EMILIN1: variants seen among roughly 807,000 people sequenced by gnomAD.
EMILIN1 encodes the protein elastin microfibril interfacer 1.
Under a neutral mutation model 82.4 loss-of-function variants are expected in EMILIN1, and 49 were observed. That is an observed-to-expected ratio of 0.59 (90% confidence interval 0.47 to 0.75). The LOEUF (loss-of-function observed/expected upper bound fraction) is 0.75, where lower values mean the gene tolerates loss of function less well. Among genes scored for constraint, EMILIN1 ranks in the 30% least tolerant of loss-of-function variants. EMILIN1 has a pLI of 0.00. For missense variants in EMILIN1, 1,313 were observed against 1,366.4 expected, an observed-to-expected ratio of 0.96 and a Z score of 0.62; for synonymous variants, 604 against 602.2, an observed-to-expected ratio of 1.00 and a Z score of -0.04.
At chr2:27,081,078 G>A (rs1439726389) in intron 3 of EMILIN1, 126 bp downstream of exon 3, 27 of 675,506 alleles carry the variant, frequency 4.0e-5, no homozygotes, top group Non-Finnish European at 4.3e-5. Flanking sequence ...AGGGGCAGAA[G>A]GGTTAGTGAG....
rs1669425233 is a variant in EMILIN1, at chr2:27,078,963, C to T, written c.-103C>T. 3 of 905,158 alleles carry T rather than the reference C, an allele frequency of 3.3e-6. No individual in the cohort carries two copies. Among genetic ancestry groups the T allele is most frequent in the African/African-American group, 1.8e-5 (1 of 56,770 alleles). The allele number at this position is 905,158 out of a possible 1,614,324, so 56.1% of individuals were successfully genotyped here. A position where few individuals can be genotyped will look rare whatever the true frequency, so the allele number is the denominator to read the frequency against. On this transcript the variant is annotated 5_prime_UTR_variant, in exon 1 of 8. Coordinates refer to ENST00000380320, the MANE Select transcript of EMILIN1 (RefSeq NM_007046.4). ...CAGAAGGAAACTGGGACGGACGGGCCGGGCTCGGGCTGTCCTGTGGAGCAG... is the reference window on the plus strand; with the variant it reads ...CAGAAGGAAACTGGGACGGACGGGCTGGGCTCGGGCTGTCCTGTGGAGCAG...
chr2:27,079,171 A>G lies in EMILIN1; in HGVS notation c.106A>G (p.Ser36Gly), dbSNP rs1340276563. Residue 36 changes from serine (S) to glycine (G), a missense_variant, in exon 1 of 8, where the codon AGT (serine) becomes GGT (glycine). Transcript: ENST00000380320. Reference protein sequence around the residue: ...PRGFSLYTGSSGALSPGGPQA... With the variant: ...PRGFSLYTGSGGALSPGGPQA... ...AGGTTTCAGCCTCTACACAGGTTCC[A>G]GTGGGGCCCTCAGCCCCGGGGGGCC... 1 of 1,588,332 alleles carries G rather than the reference A, an allele frequency of 6.3e-7. No individual in the cohort carries two copies. The highest frequency in any genetic ancestry group is 1.4e-5 in the African/African-American group (1 of 72,604).
rs755948553 is a variant in EMILIN1, at chr2:27,085,743, G to C, written c.2779G>C (p.Glu927Gln). Reference protein sequence around the residue: ...LSAVLTGHRHEKVEAVLSRSN... With the variant: ...LSAVLTGHRHQKVEAVLSRSN... Reference sequence around the variant, plus strand: ...CGCGGTGCTGACTGGGCACCGGCACGAGAAAGTGGAGGCCGTGCTGTCCCG... The same window carrying C: ...CGCGGTGCTGACTGGGCACCGGCACCAGAAAGTGGAGGCCGTGCTGTCCCG... The change falls in exon 8 of 8, where the codon GAG becomes CAG. Residue 927 changes from glutamate to glutamine, a missense_variant. Coordinates refer to ENST00000380320, the MANE Select transcript of EMILIN1 (RefSeq NM_007046.4). 1 of 1,610,814 alleles carries C rather than the reference G, an allele frequency of 6.2e-7. No individual in the cohort carries two copies.
At chr2:27,084,783 T>A (rs1258037921) in intron 5 of EMILIN1, among the ~76,000 whole-genome samples, 1 of 152,210 alleles carries the variant, frequency 6.6e-6, no homozygotes, top group Non-Finnish European at 1.5e-5. Context: ...AAGCTGAGTC[T>A]ATTATAGCTG....
At chr2:27,079,292 A>C in intron 1 of EMILIN1, 57 bp downstream of exon 1, 1 of 1,430,106 alleles carries the variant, frequency 7.0e-7, no homozygotes, top group Non-Finnish European at 9.4e-7. Flanking sequence ...TCAGAATGCC[A>C]CCTCTGCCTG....
intron 3 of EMILIN1, 40 bp from the exon 4 acceptor site, chr2:27,082,043 G>C: frequency 5.9e-6 from 9 of 1,531,502 alleles, no homozygotes; most frequent in Non-Finnish European, 7.9e-6. Flanking sequence ...TTGAGCTCTG[G>C]GGTCCAGCCC....
At chr2:27,085,071 C>T (rs1198229153) in intron 6 of EMILIN1, 63 bp downstream of exon 6, 3 of 1,612,668 alleles carry the variant, frequency 1.9e-6, no homozygotes, top group African/African-American at 1.3e-5. Context: ...TAGAGGTCCT[C>T]GGGCAGCCCT....
rs992138788 is a variant in EMILIN1 at position 27,083,708 on chromosome 2, G to A, written c.2137G>A (p.Gly713Arg). 1 of 1,613,998 alleles carries A rather than the reference G, an allele frequency of 6.2e-7. No individual in the cohort carries two copies. The highest frequency in any genetic ancestry group is 8.5e-7 in the Non-Finnish European group (1 of 1,179,856). ...SEERFRGLEE[G>R]QAQAGQCPSL... is the part of the protein sequence containing the mutation. Reference sequence around the variant, plus strand: ...AGAGCGCTTCCGAGGCCTAGAGGAGGGACAAGCACAGGCCGGCCAGTGCCC... The same window carrying A: ...AGAGCGCTTCCGAGGCCTAGAGGAGAGACAAGCACAGGCCGGCCAGTGCCC... Residue 713 changes from glycine to arginine, a missense_variant, in exon 4 of 8, where the codon GGA becomes AGA. By Grantham distance (125) the Gly-to-Arg change is moderately radical. Transcript: ENST00000380320.
At chr2:27,084,346 C>A (rs1669551065) in intron 4 of EMILIN1, 69 bp from the exon 5 acceptor site, 7 of 930,974 alleles carry the variant, frequency 7.5e-6, no homozygotes, top group South Asian at 5.8e-5. Flanking sequence ...CATGAAGCCA[C>A]CACCCACCTT....
In EMILIN1 at chr2:27,082,875, T is replaced by C. The variant is rs772037121; in HGVS notation, c.1304T>C (p.Leu435Pro). ...EESWPGAPGG[L>P]SHWLPAARGR... is the part of the protein sequence containing the mutation. Reference sequence around the variant, plus strand: ...AGCTGGCCTGGGGCTCCTGGGGGGCTGAGCCACTGGCTGCCTGCTGCCCGG... The same window carrying C: ...AGCTGGCCTGGGGCTCCTGGGGGGCCGAGCCACTGGCTGCCTGCTGCCCGG... Residue 435 changes from leucine (L) to proline (P), a missense_variant, in exon 4 of 8, where the codon CTG becomes CCG. Coordinates refer to ENST00000380320, the MANE Select transcript of EMILIN1 (RefSeq NM_007046.4). 8 of 1,591,634 alleles carry C rather than the reference T, an allele frequency of 5.0e-6. No individual in the cohort carries two copies. The East Asian group carries it at 1.8e-4, about 36-fold the overall frequency.
At position 27,086,180 on chromosome 2, in the gene EMILIN1, C is replaced by A. The variant is rs549836088; in HGVS notation, c.*165C>A. ...GCCTCTCCCCACGCCCGGGGCGCGC[C>A]GGCTCAGGGAGGCTCGGGGCCGCCC... On this transcript the variant is annotated 3_prime_UTR_variant, in exon 8 of 8. Transcript: ENST00000380320. The A allele has an allele frequency of 4.4e-6, 2 of 451,074 alleles. No individual in the cohort carries two copies. Among genetic ancestry groups the A allele is most frequent in the Non-Finnish European group, 3.6e-6 (1 of 274,256 alleles). 27.9% of individuals were successfully genotyped at this position (451,074 alleles called of 1,614,324 possible). A position where few individuals can be genotyped will look rare whatever the true frequency, so the allele number is the denominator to read the frequency against.
Position 27,083,114 on chromosome 2 carries a change from G to T in EMILIN1, c.1543G>T (p.Gly515Cys), listed in dbSNP as rs1248071858. Residue 515 changes from glycine to cysteine, a missense_variant, in exon 4 of 8, where the codon GGC becomes TGC. Physicochemically the swap from Gly to Cys is radical, Grantham distance 159. Transcript: ENST00000380320. The stretch of plus-strand genomic sequence containing the variant: ...CAGTGAGGGGCAGCTGCGGCTGGTG[G>T]GCTCCGGCCTGCACACGGTGGAAGC... ...LDSEGQLRLV[G>C]SGLHTVEAAG... The T allele has an allele frequency of 6.4e-7, 1 of 1,565,984 alleles. No individual in the cohort carries two copies. The highest frequency in any genetic ancestry group is 1.4e-5 in the African/African-American group (1 of 73,698).
chr2:27,082,600 G>T lies in EMILIN1; in HGVS notation c.1029G>T (p.Leu343=), dbSNP rs1444596683. ...VEERQRHLAG[L]AVGRRPPQEC... ...AGCGGCAACGGCACCTCGCAGGGCT[G>T]GCGGTGGGCCGCAGGCCCCCTCAGG... The change falls in exon 4 of 8, where the codon CTG becomes CTT. Residue 343 remains leucine (L), a synonymous_variant. Coordinates refer to ENST00000380320, the MANE Select transcript of EMILIN1 (RefSeq NM_007046.4). The T allele has an allele frequency of 6.5e-7, 1 of 1,543,308 alleles. No homozygotes were observed. The highest frequency in any genetic ancestry group is 8.7e-7 in the Non-Finnish European group (1 of 1,146,112).
Position 27,082,750 on chromosome 2 carries a change from G to A in EMILIN1, c.1179G>A (p.Gln393=). Residue 393 remains glutamine, a synonymous_variant, in exon 4 of 8, where the codon CAG becomes CAA. Coordinates refer to ENST00000380320, the MANE Select transcript of EMILIN1 (RefSeq NM_007046.4). ...RGTELGGAAG[Q]GGHPPGYTSL... ...CAGAGCTGGGAGGAGCCGCGGGGCA[G>A]GGAGGCCACCCCCCAGGCTACACCA... 6.5e-7 allele frequency: 1 copy of A among 1,541,676 alleles called. No individual in the cohort carries two copies. The highest frequency in any genetic ancestry group is 8.7e-7 in the Non-Finnish European group (1 of 1,149,706).
In EMILIN1 at chr2:27,080,199, G is replaced by T; in HGVS notation, c.219G>T (p.Glu73Asp). 1 of 1,614,134 alleles carries T rather than the reference G, an allele frequency of 6.2e-7. No individual in the cohort carries two copies. Among genetic ancestry groups the T allele is most frequent in the South Asian group, 1.1e-5 (1 of 91,082 alleles). Residue 73 changes from glutamate to aspartate, a missense_variant, in exon 2 of 8, where the codon GAG (glutamate) becomes GAT (aspartate). By Grantham distance (45) the Glu-to-Asp change is conservative. Transcript: ENST00000380320. ...VVTRTVSCVL[E>D]DGVETYVKYQ... ...CCCGGACAGTGAGCTGTGTCCTTGA[G>T]GATGGAGTGGAGACATATGTCAAGT...
chr2:27,080,965 G>C lies in EMILIN1; in HGVS notation c.511+13G>C. 1.3e-6 allele frequency: 2 copies of C among 1,546,144 alleles called. No homozygotes were observed. The highest frequency in any genetic ancestry group is 1.8e-6 in the Non-Finnish European group (2 of 1,139,356). ...CTGGGGGGAGAAGGTGAGTGTGGGA[G>C]CTGCTGCGAGGGTGGCAAGTTCCAA... On this transcript the variant is annotated intron_variant, in intron 3 of 7. Coordinates refer to ENST00000380320, the MANE Select transcript of EMILIN1 (RefSeq NM_007046.4).
Position 27,083,362 on chromosome 2 carries a change from T to C in EMILIN1, c.1791T>C (p.Asp597=), listed in dbSNP as rs993771955. The C allele has an allele frequency of 1.2e-6, 2 of 1,612,744 alleles. No homozygotes were observed. The highest frequency in any genetic ancestry group is 1.7e-6 in the Non-Finnish European group (2 of 1,179,914). ...GVQEELGRLR[D]GVERCSCPLL... ...AAGAGGAACTAGGCCGCCTTCGGGA[T>C]GGTGTGGAGCGCTGCTCCTGCCCCC... Residue 597 remains aspartate (D), a synonymous_variant, in exon 4 of 8, where the codon GAT becomes GAC. Coordinates refer to ENST00000380320, the MANE Select transcript of EMILIN1 (RefSeq NM_007046.4).
intron 3 of EMILIN1, 71 bp from the exon 4 acceptor site, chr2:27,082,010 TGG>T: frequency 6.8e-7 from 1 of 1,463,590 alleles, no homozygotes; most frequent in Non-Finnish European, 9.0e-7. Flanking sequence ...TGACCCTTGC[TGG>T]AGCTGGGGTG....
chr2:27,083,174 T>C lies in EMILIN1; in HGVS notation c.1603T>C (p.Leu535=). 6.2e-7 allele frequency: 1 copy of C among 1,610,316 alleles called. No homozygotes were observed. The highest frequency in any genetic ancestry group is 8.5e-7 in the Non-Finnish European group (1 of 1,177,970). The change falls in exon 4 of 8, where the codon TTA becomes CTA. Residue 535 remains leucine, a synonymous_variant. Transcript: ENST00000380320. Reference sequence around the variant, plus strand: ...GGCCCGGCAGGCCACGCTGGAGGGATTACAAGAGGTTGTGGGCCGGCTCCA... The same window carrying C: ...GGCCCGGCAGGCCACGCTGGAGGGACTACAAGAGGTTGTGGGCCGGCTCCA... ...GEARQATLEG[L]QEVVGRLQDR...
Sources: allele counts gnomAD v4.1 joint callset (sites outside exome capture counted in the v4.1 genomes callset), GRCh38; gene constraint gnomAD v4.1.1; transcripts MANE v1.5; gene names NCBI Gene and HGNC (gene_info 2026-07-23, HGNC 2026-07-21).